CCNY: variants seen among roughly 807,000 people sequenced by gnomAD.
CCNY encodes the protein cyclin-Y.
Under a neutral mutation model 42.8 loss-of-function variants are expected in CCNY, and 19 were observed. The observed-to-expected ratio is 0.44, with a 90% CI of 0.31 to 0.65. CCNY has a LOEUF of 0.65. Among genes scored for constraint, CCNY ranks in the 30% least tolerant of loss-of-function variants. The pLI, the probability that CCNY is intolerant of heterozygous loss-of-function variation, is 0.07. For missense variants in CCNY, 370 were observed against 437.3 expected, an observed-to-expected ratio of 0.85 and a Z score of 1.37; for synonymous variants, 165 against 162.7, an observed-to-expected ratio of 1.01 and a Z score of -0.11.
At chr10:35,399,195 C>T (rs1416754971) in intron 1 of CCNY, among the ~76,000 whole-genome samples, 4 of 152,140 alleles carry the variant, frequency 2.6e-5, no homozygotes, top group Admixed American at 2.6e-4. Context: ...CAACTAAGGG[C>T]ACTTTGAAAG....
intron 1 of CCNY, among the ~76,000 whole-genome samples, chr10:35,407,677 G>C (rs1437626681): frequency 6.6e-6 from 1 of 152,134 alleles, no homozygotes; most frequent in Non-Finnish European, 1.5e-5. Flanking sequence ...GAGTTGAAGA[G>C]GTTTTAAGTT....
At chr10:35,337,581 C>T (rs1836075099) in intron 1 of CCNY, among the ~76,000 whole-genome samples, 1 of 152,190 alleles carries the variant, frequency 6.6e-6, no homozygotes, top group African/African-American at 2.4e-5. Context: ...AGCCCGAAGC[C>T]AAGTTGTGCA....
At chr10:35,316,671 C>G (rs538511522) in intron 3 of CCNY, among the ~76,000 whole-genome samples, 12 of 152,226 alleles carry the variant, frequency 7.9e-5, no homozygotes, top group African/African-American at 2.4e-4. Flanking sequence ...AGTTTCCAAG[C>G]CTCTTTTGGA....
chr10:35,401,460 T>G (rs531516634), intron 1 of CCNY, among the ~76,000 whole-genome samples: 1 of 152,330 alleles, frequency 6.6e-6, no homozygotes, highest in East Asian at 1.9e-4. Flanking sequence ...TAACAAAAAT[T>G]TATTTTGCCA....
chr10:35,281,362 G>A (rs926128116), intron 3 of CCNY, among the ~76,000 whole-genome samples: 6 of 151,980 alleles, frequency 3.9e-5, no homozygotes, highest in East Asian at 3.9e-4. Context: ...GCAGTGGTGC[G>A]ATCTCAGCTC....
intron 1 of CCNY, among the ~76,000 whole-genome samples, chr10:35,451,331 G>A (rs927759855): frequency 6.6e-6 from 1 of 152,220 alleles, no homozygotes; most frequent in Non-Finnish European, 1.5e-5. Context: ...TTTGCTTGGT[G>A]AGCAGAACTT....
intron 1 of CCNY, among the ~76,000 whole-genome samples, chr10:35,388,359 A>C (rs1218242867): frequency 6.6e-6 from 1 of 152,228 alleles, no homozygotes; most frequent in African/African-American, 2.4e-5. Flanking sequence ...ACTAGGTGGC[A>C]CTGCAGTTTC....
At chr10:35,435,810 C>A (rs1277117231) in intron 1 of CCNY, among the ~76,000 whole-genome samples, 1 of 152,168 alleles carries the variant, frequency 6.6e-6, no homozygotes, top group Admixed American at 6.5e-5. Context: ...CTGTGGGAAC[C>A]AAATGCTAGG....
At chr10:35,555,124 T>C (rs116576923) in intron 8 of CCNY, among the ~76,000 whole-genome samples, 2,097 of 152,296 alleles carry the variant, frequency 0.014, 44 homozygotes, top group African/African-American at 0.048. Context: ...ACATGTGTAC[T>C]GATGTCCATG....
chr10:35,384,480 A>G (rs1277406058), intron 1 of CCNY, among the ~76,000 whole-genome samples: 2 of 152,240 alleles, frequency 1.3e-5, no homozygotes, highest in Non-Finnish European at 2.9e-5. Flanking sequence ...ATCAGTAGCT[A>G]TCTACGTAGG....
At chr10:35,280,732 G>GA (rs937193474) in intron 3 of CCNY, among the ~76,000 whole-genome samples, 124 of 152,190 alleles carry the variant, frequency 8.1e-4, no homozygotes, top group African/African-American at 2.6e-3. Flanking sequence ...AGAAGTCAAA[G>GA]AAAAAATAGA....
intron 3 of CCNY, among the ~76,000 whole-genome samples, chr10:35,291,434 CATTTT>C (rs1476412670): frequency 1.3e-5 from 2 of 152,072 alleles, no homozygotes; most frequent in East Asian, 3.9e-4. Context: ...CAACAGAACA[CATTTT>C]ATTCACTTAA....
intron 1 of CCNY, among the ~76,000 whole-genome samples, chr10:35,378,589 C>T (rs985996992): frequency 5.3e-5 from 8 of 151,610 alleles, no homozygotes; most frequent in Non-Finnish European, 7.4e-5. Flanking sequence ...TGTTTGAGCA[C>T]GGAGCTAGAA....
chr10:35,528,211 A>G (rs1840691238), intron 5 of CCNY, among the ~76,000 whole-genome samples: 1 of 152,102 alleles, frequency 6.6e-6, no homozygotes, highest in South Asian at 2.1e-4. Flanking sequence ...CTCAGTAAAT[A>G]AGGTGAGGGA....
At chr10:35,395,193 T>C (rs1837497338) in intron 1 of CCNY, among the ~76,000 whole-genome samples, 1 of 152,218 alleles carries the variant, frequency 6.6e-6, no homozygotes, top group South Asian at 2.1e-4. Flanking sequence ...TAAGAAGTTT[T>C]TACCAGAAAG....
At chr10:35,521,688 G>A (rs1488580227) in intron 4 of CCNY, among the ~76,000 whole-genome samples, 1 of 152,120 alleles carries the variant, frequency 6.6e-6, no homozygotes, top group African/African-American at 2.4e-5. Context: ...CTATAAACAA[G>A]GCACAGGCTT....
intron 3 of CCNY, among the ~76,000 whole-genome samples, chr10:35,308,701 T>C (rs976589683): frequency 6.6e-6 from 1 of 152,138 alleles, no homozygotes; most frequent in South Asian, 2.1e-4. Context: ...GTGAGACTAA[T>C]GGGCTACCGG....
At chr10:35,361,092 T>G (rs1224018987) in intron 1 of CCNY, among the ~76,000 whole-genome samples, 1 of 151,792 alleles carries the variant, frequency 6.6e-6, no homozygotes, top group Non-Finnish European at 1.5e-5. Context: ...CTCCTGGCCT[T>G]GTGATCCCCC....
chr10:35,529,344 C>T (rs1192547946), intron 5 of CCNY, among the ~76,000 whole-genome samples: 1 of 152,084 alleles, frequency 6.6e-6, no homozygotes, highest in Non-Finnish European at 1.5e-5. Flanking sequence ...TTAAGCAGAT[C>T]CAACAACCTT....
Sources: gnomAD v4.1 joint callset for allele counts (sites outside exome capture counted in the v4.1 genomes callset) on GRCh38, gnomAD v4.1.1 for gene constraint, MANE v1.5 for transcripts, NCBI Gene and HGNC (gene_info 2026-07-23, HGNC 2026-07-21) for gene names.